Variants in CCDC187 observed in about 807,000 individuals in gnomAD.
The protein encoded by CCDC187 is coiled-coil domain containing 187, also known as coiled-coil domain-containing protein 187.
In CCDC187, 32 loss-of-function variants were observed where a neutral mutation model predicts 38.0. The ratio of observed to expected loss-of-function variants is 0.84; its 90% CI spans 0.64 to 1.13. The LOEUF is 1.13. CCDC187 is among the 50% of genes most tolerant of loss of function. The pLI, the probability that CCDC187 is intolerant of heterozygous loss-of-function variation, is 0.00. For synonymous variants in CCDC187, 333 were observed against 347.9 expected (o/e 0.96, Z 0.48); for missense variants, 707 against 786.8 (o/e 0.90, Z 1.21).
At chr9:136,293,495 TCA>T (rs1405606484) in intron 4 of CCDC187, among the ~76,000 whole-genome samples, 79 of 133,300 alleles carry the variant, frequency 5.9e-4, no homozygotes, top group Admixed American at 1.1e-3. Context: ...AAACACATGC[TCA>T]CACACTCACA....
chr9:136,301,963 G>A (rs1233310285), intron 2 of CCDC187, among the ~76,000 whole-genome samples: 2 of 152,010 alleles, frequency 1.3e-5, no homozygotes, highest in Non-Finnish European at 1.5e-5. Flanking sequence ...TATAATCCCA[G>A]CACTTTGGGA....
chr9:136,276,906 C>T (rs1246186017), intron 10 of CCDC187, among the ~76,000 whole-genome samples, 179 bp from the exon 11 acceptor site: 1 of 152,122 alleles, frequency 6.6e-6, no homozygotes, highest in African/African-American at 2.4e-5. Flanking sequence ...CTGGCATCAA[C>T]TCCATCAACA....
chr9:136,286,052 C>T, intron 8 of CCDC187, 33 bp downstream of exon 8: 1 of 398,228 alleles, frequency 2.5e-6, no homozygotes, highest in Non-Finnish European at 4.4e-6. Flanking sequence ...CCCTGGCCAC[C>T]CAGCGGTCAC....
chr9:136,267,789 A>AG lies in CCDC187; in HGVS notation c.3519+259_3519+260insC, dbSNP rs1554761896. ...GGAAGCCCAGGCCACCTGCCCTAAA[A>AG]TATACAACCTGGGCGGGGGCTAACC... is the stretch of plus-strand genomic sequence containing the variant. On this transcript the variant is annotated intron_variant, in intron 15 of 25. Coordinates refer to ENST00000638797, the MANE Select transcript of CCDC187 (RefSeq NM_001378188.1). The AG allele has an allele frequency of 4.2e-6, 4 of 960,758 alleles. No individual in the cohort carries two copies. In the South Asian group the frequency reaches 1.9e-4, roughly 46 times the overall value. 59.5% of individuals were successfully genotyped at this position (960,758 alleles called of 1,614,324 possible).
chr9:136,256,117 T>G (rs981992314), intron 24 of CCDC187, 94 bp downstream of exon 24: 12 of 610,188 alleles, frequency 2.0e-5, no homozygotes, highest in African/African-American at 1.8e-4. Flanking sequence ...CAGGAGAGAG[T>G]GAGGGTCCCC....
At position 136,286,629 on chromosome 9, in the gene CCDC187, G is replaced by T. The variant is rs1831189013; in HGVS notation, c.2289C>A (p.Gly763=). Reference sequence around the variant, plus strand: ...CGGGGGCATCCCGGCCATCTTGGGGGCCCCCCATCCCTGGGGGATCTAGGG... The same window carrying T: ...CGGGGGCATCCCGGCCATCTTGGGGTCCCCCCATCCCTGGGGGATCTAGGG... The part of the protein sequence containing the change: ...AETLDPPGMG[G]PQDGRDAPVL... The change falls in exon 8 of 26, where the codon GGC becomes GGA. Residue 763 remains glycine (G), a synonymous_variant. Transcript: ENST00000638797. 1 of 398,774 alleles carries T rather than the reference G, an allele frequency of 2.5e-6. No homozygotes were observed. Among genetic ancestry groups the T allele is most frequent in the Non-Finnish European group, 4.4e-6 (1 of 226,186 alleles). The allele number at this position is 398,774 out of a possible 1,614,324, so 24.7% of individuals were successfully genotyped here. A position where few individuals can be genotyped will look rare whatever the true frequency, so the allele number is the denominator to read the frequency against.
intron 10 of CCDC187, among the ~76,000 whole-genome samples, chr9:136,279,304 G>A (rs1404252859): frequency 1.3e-5 from 2 of 152,340 alleles, no homozygotes; most frequent in African/African-American, 4.8e-5. Context: ...AAGTCTAGAA[G>A]GTTCCATTGG....
chr9:136,302,692 A>G (rs1831714067), intron 2 of CCDC187, 120 bp downstream of exon 2: 1 of 397,836 alleles, frequency 2.5e-6, no homozygotes, highest in Non-Finnish European at 4.4e-6. Context: ...CCCTGGGGGC[A>G]CGCTGCATAC....
At chr9:136,293,498 C>T (rs1831431153) in intron 4 of CCDC187, among the ~76,000 whole-genome samples, 1 of 138,498 alleles carries the variant, frequency 7.2e-6, no homozygotes, top group Non-Finnish European at 1.6e-5. Flanking sequence ...CACATGCTCA[C>T]ACACTCACAA....
intron 19 of CCDC187, among the ~76,000 whole-genome samples, chr9:136,260,642 T>C (rs1830668273): frequency 6.6e-6 from 1 of 151,914 alleles, no homozygotes; most frequent in Non-Finnish European, 1.5e-5. Flanking sequence ...ACTCCTGCTG[T>C]CTCAGGTGCC....
intron 17 of CCDC187, 51 bp from the exon 18 acceptor site, chr9:136,263,849 G>T: frequency 1.0e-6 from 1 of 982,448 alleles, no homozygotes. Flanking sequence ...GCCAGCAGGG[G>T]AAAAGGCCAA....
intron 23 of CCDC187, 68 bp from the exon 24 acceptor site, chr9:136,256,391 G>T: frequency 1.3e-6 from 1 of 792,472 alleles, no homozygotes; most frequent in Non-Finnish European, 1.5e-6. Flanking sequence ...TCCCGTAGCT[G>T]GATGGAGCCC....
chr9:136,295,635 C>T (rs1831516171), intron 4 of CCDC187, among the ~76,000 whole-genome samples: 3 of 152,126 alleles, frequency 2.0e-5, no homozygotes, highest in African/African-American at 7.2e-5. Context: ...CATCCAATTC[C>T]CAAGTCCTGT....
chr9:136,275,988 C>T (rs899983857), intron 12 of CCDC187, among the ~76,000 whole-genome samples: 12 of 152,282 alleles, frequency 7.9e-5, no homozygotes, highest in Admixed American at 2.6e-4. Context: ...CCAGTGCCAG[C>T]GCCCCCAGGA....
chr9:136,303,378 G>A (rs930217498), intron 1 of CCDC187, 85 bp from the exon 2 acceptor site: 73 of 387,980 alleles, frequency 1.9e-4, no homozygotes, highest in Non-Finnish European at 3.0e-4. Flanking sequence ...CCACCTCCCC[G>A]GGCATTCCTG....
intron 4 of CCDC187, among the ~76,000 whole-genome samples, chr9:136,295,587 T>A (rs1373452002): frequency 6.6e-6 from 1 of 152,228 alleles, no homozygotes; most frequent in Non-Finnish European, 1.5e-5. Flanking sequence ...ATAACTATTG[T>A]GATTTAATTT....
At chr9:136,283,905 T>C (rs966987298) in intron 9 of CCDC187, among the ~76,000 whole-genome samples, 2 of 152,186 alleles carry the variant, frequency 1.3e-5, no homozygotes, top group Non-Finnish European at 2.9e-5. Context: ...GATGCTGCCC[T>C]CTTCTGGTCA....
intron 9 of CCDC187, 134 bp downstream of exon 9, chr9:136,285,379 C>G (rs1478288414): frequency 9.9e-6 from 4 of 402,946 alleles, no homozygotes; most frequent in African/African-American, 8.2e-5. Context: ...ACCAGCATGA[C>G]GGGGACACAT....
In CCDC187 at chr9:136,286,530, C is replaced by A. The variant is rs1377146382; in HGVS notation, c.2388G>T (p.Gly796=). Residue 796 remains glycine (G), a synonymous_variant, in exon 8 of 26, where the codon GGG becomes GGT. Transcript: ENST00000638797. ...QDLTTRYLPR[G]MCIYLDPKEA... ...CCTTTGGGTCCAGGTAGATGCACAT[C>A]CCCCGGGGTAGGTAGCGGGTGGTCA... is the stretch of plus-strand genomic sequence containing the variant. 1 of 398,676 alleles carries A rather than the reference C, an allele frequency of 2.5e-6. No individual in the cohort carries two copies. The highest frequency in any genetic ancestry group is 6.3e-4 in the Middle Eastern group (1 of 1,586). The allele number at this position is 398,676 out of a possible 1,614,324, so 24.7% of individuals were successfully genotyped here.
Sources: allele counts gnomAD v4.1 joint callset (sites outside exome capture counted in the v4.1 genomes callset), GRCh38; gene constraint gnomAD v4.1.1; transcripts MANE v1.5; gene names NCBI Gene and HGNC (gene_info 2026-07-23, HGNC 2026-07-21).